The following CATSPERD variants were observed in gnomAD, a reference collection of about 807,000 sequenced individuals.
The protein encoded by CATSPERD is catsper channel auxiliary subunit delta, also known as cation channel sperm-associated auxiliary subunit delta.
CATSPERD carries 86 observed loss-of-function variants against 98.1 expected under a neutral mutation model. That is an observed-to-expected ratio of 0.88 (90% confidence interval 0.74 to 1.05). CATSPERD has a LOEUF of 1.05. CATSPERD is among the 50% of genes least tolerant of loss of function. The pLI, the probability that CATSPERD is intolerant of heterozygous loss-of-function variation, is 0.00. For missense variants in CATSPERD, 995 were observed against 1,005.7 expected, an observed-to-expected ratio of 0.99 and a Z score of 0.14; for synonymous variants, 394 against 390.2, an observed-to-expected ratio of 1.01 and a Z score of -0.12.
chr19:5,776,251 C>T lies in CATSPERD; in HGVS notation c.2032C>T (p.Gln678Ter). 2 of 1,614,206 alleles carry T rather than the reference C, an allele frequency of 1.2e-6. No homozygotes were observed. The highest frequency in any genetic ancestry group is 1.3e-5 in the African/African-American group (1 of 75,056). ...YQILGGRTAN[Q>*]IIFGHNGFYV... is the part of the protein sequence containing the mutation. Reference sequence around the variant, plus strand: ...GATCTTGGGCGGCCGGACAGCAAACCAGATCATTTTCGGCCACAATGGCTT... The same window carrying T: ...GATCTTGGGCGGCCGGACAGCAAACTAGATCATTTTCGGCCACAATGGCTT... Residue 678 changes from glutamine (Q) to a stop codon, truncating the protein, a stop_gained, in exon 21 of 22, where the codon CAG becomes TAG. Transcript: ENST00000381624. LOFTEE classifies it high-confidence loss of function.
At chr19:5,734,702 C>G (rs534424588) in intron 5 of CATSPERD, among the ~76,000 whole-genome samples, 1 of 151,354 alleles carries the variant, frequency 6.6e-6, no homozygotes, top group African/African-American at 2.4e-5. Flanking sequence ...CTCTGGAGCC[C>G]GAGGCAGGAG....
At chr19:5,762,639 G>A (rs997204908) in intron 15 of CATSPERD, among the ~76,000 whole-genome samples, 5 of 151,494 alleles carry the variant, frequency 3.3e-5, no homozygotes, top group Non-Finnish European at 7.4e-5. Context: ...ATGGATGGAT[G>A]GATGGATAAA....
intron 2 of CATSPERD, among the ~76,000 whole-genome samples, chr19:5,725,729 C>T (rs998596854): frequency 1.3e-5 from 2 of 152,022 alleles, no homozygotes; most frequent in South Asian, 2.1e-4. Flanking sequence ...GGTGAAACCC[C>T]GTCTCTACTA....
intron 15 of CATSPERD, among the ~76,000 whole-genome samples, chr19:5,759,571 A>G (rs2056395738): frequency 6.6e-6 from 1 of 150,522 alleles, no homozygotes; most frequent in Non-Finnish European, 1.5e-5. Flanking sequence ...AGCTCCAAAA[A>G]AAAAAAAAAA....
rs1455099003 is a variant in CATSPERD, at chr19:5,724,833, G to C, written c.97G>C (p.Val33Leu). The change falls in exon 2 of 22, where the codon GTG becomes CTG. Residue 33 changes from valine to leucine, a missense_variant. By Grantham distance (32) the Val-to-Leu change is conservative. Transcript: ENST00000381624. ...CRSRTVRTGK[V>L]FNLIQDVQGD... The stretch of plus-strand genomic sequence containing the variant: ...TTCTCGCACAGTGAGGACAGGAAAA[G>C]TGTTTAATCTGATACAGGACGTTCA... 1 of 1,614,132 alleles carries C rather than the reference G, an allele frequency of 6.2e-7. No individual in the cohort carries two copies. Among genetic ancestry groups the C allele is most frequent in the South Asian group, 1.1e-5 (1 of 91,088 alleles).
intron 18 of CATSPERD, among the ~76,000 whole-genome samples, chr19:5,768,807 C>G (rs145230812): frequency 1.3e-5 from 2 of 152,112 alleles, no homozygotes; most frequent in East Asian, 3.9e-4. Context: ...CACGCCCATA[C>G]GAGAGTCTGG....
In CATSPERD at chr19:5,751,648, T is replaced by G; in HGVS notation, c.989T>G (p.Phe330Cys). The G allele has an allele frequency of 6.5e-7, 1 of 1,541,244 alleles. No individual in the cohort carries two copies. Among genetic ancestry groups the G allele is most frequent in the Non-Finnish European group, 8.8e-7 (1 of 1,138,812 alleles). ...LGIVPSSIIKFADQYIWSEDV... is the reference protein window; with the variant it reads ...LGIVPSSIIKCADQYIWSEDV... ...TCTCAGGAATCATTTTCTTCTTAGT[T>G]TGCAGACCAATACATCTGGTCAGAA... Residue 330 changes from phenylalanine to cysteine, a missense_variant and splice_region_variant, in exon 12 of 22, where the codon TTT becomes TGT. By Grantham distance (205) the Phe-to-Cys change is radical. This residue lies in a region of CATSPERD where 762 missense variants were observed against 773.7 expected (regional missense o/e 0.98). Coordinates refer to ENST00000381624, the MANE Select transcript of CATSPERD (RefSeq NM_152784.4).
chr19:5,740,496 A>G (rs753570157), intron 7 of CATSPERD, among the ~76,000 whole-genome samples: 15 of 151,876 alleles, frequency 9.9e-5, no homozygotes, highest in Non-Finnish European at 2.1e-4. Flanking sequence ...CTGAGGCCGG[A>G]GAATCACTTG....
At chr19:5,766,063 C>T (rs376566587) in intron 16 of CATSPERD, 40 bp from the exon 17 acceptor site, 1 of 1,559,316 alleles carries the variant, frequency 6.4e-7, no homozygotes, top group Non-Finnish European at 8.8e-7. Context: ...GGGTGACCCT[C>T]ACTGACCTGG....
At chr19:5,742,167 CGT>C (rs79933914) in intron 7 of CATSPERD, among the ~76,000 whole-genome samples, 23,658 of 145,292 alleles carry the variant, frequency 0.16, 2,188 homozygotes, top group Middle Eastern at 0.28. Flanking sequence ...CGTGTGTGTG[CGT>C]GTGTGTATGT....
intron 2 of CATSPERD, among the ~76,000 whole-genome samples, chr19:5,727,055 C>T (rs952682096): frequency 6.6e-6 from 1 of 152,048 alleles, no homozygotes; most frequent in Non-Finnish European, 1.5e-5. Context: ...ACCAGCCGGG[C>T]ATGGTGGCGG....
intron 15 of CATSPERD, among the ~76,000 whole-genome samples, chr19:5,761,871 G>A (rs189073072): frequency 1.5e-4 from 22 of 150,638 alleles, no homozygotes; most frequent in East Asian, 3.9e-4. Context: ...GACTACAGGC[G>A]TGTGCCACCA....
chr19:5,766,197 T>C lies in CATSPERD; in HGVS notation c.1559+42T>C, dbSNP rs759822616. On this transcript the variant is annotated intron_variant, in intron 17 of 21. Coordinates refer to ENST00000381624, the MANE Select transcript of CATSPERD (RefSeq NM_152784.4). ...CGGGCACCATGGCTCATTCCTGTGA[T>C]CCCAGCACTTTGGGAGGCCGAGGTG... The C allele has an allele frequency of 1.9e-6, 3 of 1,576,982 alleles. No homozygotes were observed. The Admixed American group carries it at 5.2e-5, about 27-fold the overall frequency.
intron 5 of CATSPERD, among the ~76,000 whole-genome samples, chr19:5,735,073 C>T (rs1414430097): frequency 6.6e-6 from 1 of 152,100 alleles, no homozygotes; most frequent in East Asian, 1.9e-4. Flanking sequence ...AGAAGAGGAT[C>T]GCCTGAGCCC....
chr19:5,750,888 TTTTC>T (rs1279880087), intron 11 of CATSPERD, among the ~76,000 whole-genome samples: 4 of 151,788 alleles, frequency 2.6e-5, no homozygotes, highest in Non-Finnish European at 5.9e-5. Context: ...TTCCTTTCTC[TTTTC>T]TTTTTCTTTC....
chr19:5,739,842 A>AG (rs1555719759), intron 7 of CATSPERD, among the ~76,000 whole-genome samples: 5 of 132,984 alleles, frequency 3.8e-5, no homozygotes, highest in Non-Finnish European at 6.2e-5. Context: ...TCATCTCAAA[A>AG]AAAAAAAAAA....
intron 17 of CATSPERD, among the ~76,000 whole-genome samples, chr19:5,767,765 CTTTT>C (rs57999661): frequency 0.023 from 2,641 of 114,570 alleles, 66 homozygotes; most frequent in African/African-American, 0.078. Context: ...CCTGCCCTCC[CTTTT>C]TTATTTGTTT....
intron 1 of CATSPERD, among the ~76,000 whole-genome samples, chr19:5,723,186 C>CAA (rs56121351): frequency 0.043 from 5,252 of 121,212 alleles, 161 homozygotes; most frequent in Middle Eastern, 0.061. Flanking sequence ...GATTCTGTCT[C>CAA]AAAAAAAAAA....
Position 5,772,831 on chromosome 19 carries a change from G to A in CATSPERD, c.1807G>A (p.Val603Met). The A allele has an allele frequency of 1.9e-6, 3 of 1,614,010 alleles. No homozygotes were observed. The highest frequency in any genetic ancestry group is 2.5e-6 in the Non-Finnish European group (3 of 1,179,960). Residue 603 changes from valine (V) to methionine (M), a missense_variant, in exon 20 of 22, where the codon GTG becomes ATG. Coordinates refer to ENST00000381624, the MANE Select transcript of CATSPERD (RefSeq NM_152784.4). The stretch of plus-strand genomic sequence containing the variant: ...CCAGGAGGTCATCGACGCCGAGTAT[G>A]TGTTACTGGAGGTGAACGGGCAGTT... ...SFQEVIDAEY[V>M]LLEVNGQFSY...
Sources: gnomAD v4.1 joint callset for allele counts (sites outside exome capture counted in the v4.1 genomes callset) on GRCh38, gnomAD v4.1.1 for gene constraint, gnomAD v4.1.1 regional missense constraint, MANE v1.5 for transcripts, NCBI Gene and HGNC (gene_info 2026-07-23, HGNC 2026-07-21) for gene names.